Variants in RALGAPA1 observed in about 807,000 individuals in gnomAD.
RALGAPA1 encodes ral GTPase-activating protein subunit alpha-1.
RALGAPA1 carries 52 observed loss-of-function variants against 269.6 expected under a neutral mutation model. The ratio of observed to expected loss-of-function variants is 0.19; its 90% CI spans 0.15 to 0.24. The LOEUF is 0.24. Among genes scored for constraint, RALGAPA1 ranks in the 10% least tolerant of loss-of-function variants. RALGAPA1 has a pLI of 1.00. For missense variants in RALGAPA1, 1,917 were observed against 3,013.9 expected (o/e 0.64, Z 8.52); for synonymous variants, 817 against 1,008.3 (o/e 0.81, Z 3.60).
At chr14:35,740,746 T>A (rs1373251382) in intron 11 of RALGAPA1, among the ~76,000 whole-genome samples, 1 of 152,158 alleles carries the variant, frequency 6.6e-6, no homozygotes, top group African/African-American at 2.4e-5. Flanking sequence ...AGGTGGAGGT[T>A]ACAGTGAGCT....
At chr14:35,695,746 T>C (rs2066848580) in intron 17 of RALGAPA1, among the ~76,000 whole-genome samples, 5 of 152,218 alleles carry the variant, frequency 3.3e-5, no homozygotes, top group Admixed American at 1.3e-4. Context: ...ATTCCTTTTT[T>C]CACTAAAGTG....
chr14:35,630,722 G>A (rs1460809747), intron 33 of RALGAPA1, among the ~76,000 whole-genome samples: 2 of 152,038 alleles, frequency 1.3e-5, no homozygotes, highest in Non-Finnish European at 2.9e-5. Flanking sequence ...TGGCGAAACC[G>A]TGTCTCTACC....
In RALGAPA1 at chr14:35,549,110, C is replaced by T. The variant is rs566079460; in HGVS notation, c.7621G>A (p.Asp2541Asn). The T allele has an allele frequency of 1.4e-5, 23 of 1,608,610 alleles. No homozygotes were observed. The highest frequency in any genetic ancestry group is 9.4e-5 in the African/African-American group (7 of 74,590). The change falls in exon 40 of 42, where the codon GAT (aspartate) becomes AAT (asparagine). Residue 2541 changes from aspartate to asparagine, a missense_variant and splice_region_variant. Around this residue, in one of 11 missense-constraint regions of RALGAPA1, gnomAD observed 91 missense variants for 130.9 expected, o/e 0.70. Transcript: ENST00000680220. Reference sequence around the variant, plus strand: ...AACTAATACTCGCTTTTAATCTTACCGGCATCAGATGGTAAATGGTGGTAG... The same window carrying T: ...AACTAATACTCGCTTTTAATCTTACTGGCATCAGATGGTAAATGGTGGTAG... ...APYHHLPSDADH is the reference protein window; with the variant it reads ...APYHHLPSDANH
intron 26 of RALGAPA1, among the ~76,000 whole-genome samples, chr14:35,669,818 C>T (rs2064252996): frequency 6.6e-6 from 1 of 152,182 alleles, no homozygotes. Flanking sequence ...TTCTATATCC[C>T]TCTGTATTCC....
At chr14:35,622,326 G>C (rs1475059435) in intron 35 of RALGAPA1, among the ~76,000 whole-genome samples, 1 of 151,900 alleles carries the variant, frequency 6.6e-6, no homozygotes, top group Non-Finnish European at 1.5e-5. Context: ...AGATCACTTG[G>C]ACATAGGGTG....
chr14:35,775,707 G>T lies in RALGAPA1; in HGVS notation c.145C>A (p.Gln49Lys). The T allele has an allele frequency of 6.4e-7, 1 of 1,566,248 alleles. No homozygotes were observed. Among genetic ancestry groups the T allele is most frequent in the South Asian group, 1.2e-5 (1 of 80,860 alleles). Reference sequence around the variant, plus strand: ...ACATAGTATATATGTGAAAAATGTTGGTCGAAAAACTGTTTAAGATCAATA... The same window carrying T: ...ACATAGTATATATGTGAAAAATGTTTGTCGAAAAACTGTTTAAGATCAATA... ...ESIDLKQFFD[Q>K]HFSHIYYVFF... Residue 49 changes from glutamine (Q) to lysine (K), a missense_variant, in exon 2 of 42, where the codon CAA becomes AAA. Around this residue, in one of 11 missense-constraint regions of RALGAPA1, gnomAD observed 462 missense variants for 725.6 expected, o/e 0.64. Transcript: ENST00000680220.
intron 10 of RALGAPA1, among the ~76,000 whole-genome samples, chr14:35,743,909 T>A (rs909183894): frequency 2.6e-5 from 4 of 152,044 alleles, no homozygotes; most frequent in African/African-American, 4.8e-5. Context: ...TTAAAAAAAA[T>A]ATTTTCCTTA....
intron 16 of RALGAPA1, among the ~76,000 whole-genome samples, chr14:35,710,780 C>T (rs140806071): frequency 3.6e-3 from 543 of 152,014 alleles, no homozygotes; most frequent in Middle Eastern, 0.01. Context: ...TTTACTGTAC[C>T]ATTTCTATGT....
At chr14:35,791,061 G>C (rs1392361456) in intron 1 of RALGAPA1, among the ~76,000 whole-genome samples, 1 of 152,124 alleles carries the variant, frequency 6.6e-6, no homozygotes, top group African/African-American at 2.4e-5. Flanking sequence ...AATAAGAGCA[G>C]CGACAAAGTT....
chr14:35,593,288 T>C (rs1474613316), intron 37 of RALGAPA1, among the ~76,000 whole-genome samples: 1 of 152,012 alleles, frequency 6.6e-6, no homozygotes, highest in African/African-American at 2.4e-5. Context: ...ACCAAGGAGG[T>C]GAAAGATTTA....
intron 39 of RALGAPA1, among the ~76,000 whole-genome samples, chr14:35,560,905 A>G (rs550685662): frequency 2.0e-5 from 3 of 152,296 alleles, no homozygotes; most frequent in Admixed American, 6.5e-5. Context: ...GACCAAAACT[A>G]CCATCTTTAA....
chr14:35,761,840 A>C (rs575663987), intron 5 of RALGAPA1, among the ~76,000 whole-genome samples: 99 of 152,158 alleles, frequency 6.5e-4, no homozygotes, highest in Admixed American at 2.0e-3. Context: ...TGTTACTTTC[A>C]TGGTTCAGCC....
intron 16 of RALGAPA1, among the ~76,000 whole-genome samples, chr14:35,702,373 T>C (rs1301657987): frequency 6.6e-6 from 1 of 152,214 alleles, no homozygotes; most frequent in Non-Finnish European, 1.5e-5. Flanking sequence ...GAACAATCTG[T>C]AGGTAAAAAA....
At chr14:35,638,668 T>C (rs1406741118) in intron 31 of RALGAPA1, among the ~76,000 whole-genome samples, 1 of 152,140 alleles carries the variant, frequency 6.6e-6, no homozygotes, top group African/African-American at 2.4e-5. Context: ...CTCACACCTG[T>C]AATCCCAACA....
intron 31 of RALGAPA1, among the ~76,000 whole-genome samples, chr14:35,644,116 A>C (rs1302975014): frequency 6.6e-6 from 1 of 152,220 alleles, no homozygotes; most frequent in African/African-American, 2.4e-5. Flanking sequence ...CATATTATGC[A>C]CTGTATGTCT....
intron 34 of RALGAPA1, 32 bp from the exon 35 acceptor site, chr14:35,625,464 AC>A: frequency 4.1e-6 from 6 of 1,477,240 alleles, no homozygotes; most frequent in Non-Finnish European, 5.6e-6. Flanking sequence ...CATTTTCATC[AC>A]CTTTGCAGTG....
intron 39 of RALGAPA1, among the ~76,000 whole-genome samples, chr14:35,558,268 A>G (rs2055828260): frequency 6.6e-6 from 1 of 152,206 alleles, no homozygotes; most frequent in South Asian, 2.1e-4. Context: ...GGATTATTTT[A>G]GCACTTGTGT....
At chr14:35,635,677 G>A (rs1283296853) in intron 31 of RALGAPA1, 79 bp from the exon 32 acceptor site, 16 of 1,304,556 alleles carry the variant, frequency 1.2e-5, no homozygotes, top group African/African-American at 1.5e-5. Flanking sequence ...TTATTCTTGA[G>A]TTTCCAAAAT....
rs571040514 is a variant in RALGAPA1 at position 35,559,539 on chromosome 14, T to C, written c.7497-10305A>G. 4.6e-5 allele frequency among the ~76,000 whole-genome samples: 7 copies of C among 152,238 alleles called. No homozygotes were observed. The South Asian group carries it at 1.5e-3, about 32-fold the overall frequency. On this transcript the variant is annotated intron_variant, in intron 39 of 41. Coordinates refer to ENST00000680220, the MANE Select transcript of RALGAPA1 (RefSeq NM_001346249.2). ...TATTCCAGCACAGGTGAGAAGTTGA[T>C]AAAGATAGAAGCAAACTTCAAGTTT...
Sources: allele counts gnomAD v4.1 joint callset (sites outside exome capture counted in the v4.1 genomes callset), GRCh38; gene constraint gnomAD v4.1.1; regional missense constraint gnomAD v4.1.1; transcripts MANE v1.5; gene names NCBI Gene and HGNC (gene_info 2026-07-23, HGNC 2026-07-21).